OTOGL: variants seen among roughly 807,000 people sequenced by gnomAD.
OTOGL encodes the protein otogelin-like protein.
Under a neutral mutation model 318.5 loss-of-function variants are expected in OTOGL, and 285 were observed. That is an observed-to-expected ratio of 0.89 (90% CI 0.81 to 0.99). The LOEUF (loss-of-function observed/expected upper bound fraction) is 0.99, where lower values mean the gene tolerates loss of function less well. Among genes scored for constraint, OTOGL ranks in the 50% least tolerant of loss-of-function variants. The pLI, the probability that OTOGL is intolerant of heterozygous loss-of-function variation, is 0.00. For missense variants in OTOGL, 2,899 were observed against 2,845.6 expected (o/e 1.02, Z -0.43); for synonymous variants, 987 against 936.5 (o/e 1.05, Z -0.99).
Position 80,271,656 on chromosome 12 carries a change from T to C in OTOGL, c.2527T>C (p.Cys843Arg), listed in dbSNP as rs757980413. 2.5e-5 allele frequency: 40 copies of C among 1,612,512 alleles called. No homozygotes were observed. Among genetic ancestry groups the C allele is most frequent in the Non-Finnish European group, 3.4e-5 (40 of 1,179,214 alleles). Residue 843 changes from cysteine (C) to arginine (R), a missense_variant, in exon 24 of 59, where the codon TGC (cysteine) becomes CGC (arginine). This residue lies in a region of OTOGL where 2,607 missense variants were observed against 2,524.9 expected (regional missense o/e 1.03). Transcript: ENST00000547103. ...TGTGCTTATATCTGAAGTTCACATCTGCCCAGAGGGAAAAGAGTATTTCGA... is the reference window on the plus strand; with the variant it reads ...TGTGCTTATATCTGAAGTTCACATCCGCCCAGAGGGAAAAGAGTATTTCGA... ...ELATPSAVHI[C>R]PEGKEYFDCR...
At chr12:80,165,094 C>A (rs973656997) in intron 1 of OTOGL, among the ~76,000 whole-genome samples, 6 of 152,116 alleles carry the variant, frequency 3.9e-5, no homozygotes, top group Admixed American at 6.5e-5. Context: ...GCGCTTTCTC[C>A]CTGTGTGGGA....
chr12:80,308,094 G>C, intron 29 of OTOGL, among the ~76,000 whole-genome samples: 1 of 144,902 alleles, frequency 6.9e-6, no homozygotes, highest in Non-Finnish European at 1.5e-5. Flanking sequence ...CCGGGTGGGG[G>C]GCTGACCCCC....
At position 80,266,530 on chromosome 12, in the gene OTOGL, G is replaced by A. The variant is rs760284368; in HGVS notation, c.2304G>A (p.Pro768=). Residue 768 remains proline, a synonymous_variant, in exon 21 of 59, where the codon CCG becomes CCA. Transcript: ENST00000547103. The stretch of plus-strand genomic sequence containing the variant: ...ATTCCTGCATTTCTCTCTCTTCCCC[G>A]GAGCAGTGCAGTGATGACTGTGCTG... ...CLHSCISLSS[P]EQCSDDCAEG... is the part of the protein sequence containing the mutation. 5.3e-5 allele frequency: 85 copies of A among 1,613,088 alleles called. No individual in the cohort carries two copies. The highest frequency in any genetic ancestry group is 6.2e-5 in the Non-Finnish European group (73 of 1,179,532).
At chr12:80,366,262 C>T (rs1385715028) in intron 52 of OTOGL, 1 of 443,406 alleles carries the variant, frequency 2.3e-6, no homozygotes, top group Non-Finnish European at 4.5e-6. Flanking sequence ...GATGTGTATA[C>T]TATAGCAGCC....
chr12:80,118,864 G>GTTTTTTTTTTTT (rs57197692), intron 1 of OTOGL, among the ~76,000 whole-genome samples: 1 of 130,592 alleles, frequency 7.7e-6, no homozygotes. Context: ...TCTTAGATCT[G>GTTTTTTTTTTTT]TTTTTTTTTT....
chr12:80,212,026 G>A (rs1877300159), intron 4 of OTOGL, 29 bp downstream of exon 4: 1 of 1,541,336 alleles, frequency 6.5e-7, no homozygotes, highest in African/African-American at 1.4e-5. Context: ...GGAGAGAGAG[G>A]CAGAGAAATA....
chr12:80,344,167 A>G (rs368982803), intron 44 of OTOGL, among the ~76,000 whole-genome samples: 2 of 152,332 alleles, frequency 1.3e-5, no homozygotes, highest in East Asian at 3.9e-4. Flanking sequence ...ATGCACATAA[A>G]CATGAAGAAA....
intron 27 of OTOGL, among the ~76,000 whole-genome samples, chr12:80,299,196 G>A (rs1885598271): frequency 6.6e-6 from 1 of 152,168 alleles, no homozygotes; most frequent in Non-Finnish European, 1.5e-5. Flanking sequence ...TAACTGGGTA[G>A]CAATCAACCT....
chr12:80,212,944 G>A (rs1445018837), intron 4 of OTOGL, among the ~76,000 whole-genome samples: 1 of 152,054 alleles, frequency 6.6e-6, no homozygotes, highest in Non-Finnish European at 1.5e-5. Context: ...AAGGGGTCCT[G>A]ACCCAGATCC....
intron 32 of OTOGL, among the ~76,000 whole-genome samples, chr12:80,316,640 CAA>C (rs1886991708): frequency 6.6e-6 from 1 of 151,970 alleles, no homozygotes; most frequent in Admixed American, 6.6e-5. Context: ...GAGTGGCAGG[CAA>C]ATAAATTTAC....
chr12:80,129,177 G>A (rs7131976), intron 1 of OTOGL, among the ~76,000 whole-genome samples: 81,307 of 151,910 alleles, frequency 0.54, 21,927 homozygotes, highest in Middle Eastern at 0.58. Flanking sequence ...CGGCCATCTT[G>A]GCTCCACCCA....
chr12:80,127,740 T>C (rs972908908), intron 1 of OTOGL, among the ~76,000 whole-genome samples: 1 of 152,232 alleles, frequency 6.6e-6, no homozygotes, highest in Non-Finnish European at 1.5e-5. Context: ...TGCTCATTTC[T>C]TTTTATTCTT....
chr12:80,305,009 C>T (rs994631139), intron 28 of OTOGL, among the ~76,000 whole-genome samples: 2 of 152,126 alleles, frequency 1.3e-5, no homozygotes, highest in African/African-American at 4.8e-5. Flanking sequence ...AGACAGAGGC[C>T]ACTACTAACA....
At chr12:80,338,351 T>A (rs904001373) in intron 42 of OTOGL, among the ~76,000 whole-genome samples, 2 of 151,986 alleles carry the variant, frequency 1.3e-5, no homozygotes, top group South Asian at 4.1e-4. Flanking sequence ...AGAGAAAGTA[T>A]GTTTCAGCTC....
At chr12:80,133,588 C>A (rs746299449) in intron 1 of OTOGL, 4 of 152,044 alleles carry the variant, frequency 2.6e-5, no homozygotes, top group Non-Finnish European at 5.9e-5. Context: ...ATACAACCTA[C>A]AGCTTAGAGC....
At chr12:80,162,720 C>G (rs1474111732) in intron 1 of OTOGL, among the ~76,000 whole-genome samples, 2 of 152,008 alleles carry the variant, frequency 1.3e-5, no homozygotes, top group South Asian at 4.1e-4. Context: ...TGGATGAGGG[C>G]CCACCCTCCT....
At chr12:80,166,577 A>G (rs1330285797) in intron 1 of OTOGL, among the ~76,000 whole-genome samples, 3 of 152,172 alleles carry the variant, frequency 2.0e-5, no homozygotes, top group Non-Finnish European at 4.4e-5. Flanking sequence ...GCCCCAAAGA[A>G]GTAAGTTCAT....
intron 26 of OTOGL, among the ~76,000 whole-genome samples, chr12:80,296,469 A>G (rs980032743): frequency 1.3e-5 from 2 of 152,182 alleles, no homozygotes; most frequent in Admixed American, 6.5e-5. Context: ...AAAACAAAAG[A>G]CATATCTCAA....
At chr12:80,244,220 G>A (rs1880656276) in intron 11 of OTOGL, among the ~76,000 whole-genome samples, 1 of 147,568 alleles carries the variant, frequency 6.8e-6, no homozygotes, top group East Asian at 2.0e-4. Context: ...TGCACATTGT[G>A]CAGGTTAGTT....
Sources: allele counts gnomAD v4.1 joint callset (sites outside exome capture counted in the v4.1 genomes callset), GRCh38; gene constraint gnomAD v4.1.1; regional missense constraint gnomAD v4.1.1; transcripts MANE v1.5; gene names NCBI Gene and HGNC (gene_info 2026-07-23, HGNC 2026-07-21).